ARMC3: variants seen among roughly 807,000 people sequenced by gnomAD.
ARMC3 encodes the protein armadillo repeat containing 3.
In ARMC3, 74 loss-of-function variants were observed where a neutral mutation model predicts 90.3. The ratio of observed to expected loss-of-function variants is 0.82; its 90% CI spans 0.68 to 0.99. ARMC3 has a LOEUF of 0.99. Ranked by LOEUF, ARMC3 falls within the 50% of genes least tolerant of loss-of-function variation. The pLI is 0.00. For synonymous variants in ARMC3, 334 were observed against 361.8 expected (o/e 0.92, Z 0.87); for missense variants, 958 against 1,042.8 (o/e 0.92, Z 1.12).
intron 16 of ARMC3, among the ~76,000 whole-genome samples, chr10:23,013,474 G>A (rs964939483): frequency 6.6e-6 from 1 of 151,756 alleles, no homozygotes; most frequent in Non-Finnish European, 1.5e-5. Flanking sequence ...TCACTTTATC[G>A]AGGCTTAATT....
rs773330471 is a variant in ARMC3 at position 23,006,890 on chromosome 10, C to T, written c.1738C>T (p.Pro580Ser). The change falls in exon 14 of 19, where the codon CCC becomes TCC. Residue 580 changes from proline (P) to serine (S), a missense_variant. Transcript: ENST00000298032. The part of the protein sequence containing the change: ...DGFYDYGRIN[P>S]GTKLLPLKEL... The stretch of plus-strand genomic sequence containing the variant: ...TCCTTAAATTATCTCACAGATAAAT[C>T]CCGGCACCAAACTGTTGCCTTTGAA... 2.5e-6 allele frequency: 4 copies of T among 1,613,958 alleles called. No individual in the cohort carries two copies. The highest frequency in any genetic ancestry group is 3.4e-6 in the Non-Finnish European group (4 of 1,179,902).
At chr10:22,959,016 C>G (rs186732191) in intron 4 of ARMC3, 54 bp from the exon 5 acceptor site, 63 of 1,420,232 alleles carry the variant, frequency 4.4e-5, no homozygotes, top group Admixed American at 1.5e-4. Flanking sequence ...AGCCACCACA[C>G]CCGGCCTATT....
At chr10:23,022,250 A>G (rs1266907429) in intron 16 of ARMC3, among the ~76,000 whole-genome samples, 1 of 152,210 alleles carries the variant, frequency 6.6e-6, no homozygotes, top group Non-Finnish European at 1.5e-5. Flanking sequence ...TTTACTTTGC[A>G]TATGAATGCC....
chr10:23,009,007 T>G (rs748026367), intron 16 of ARMC3, 76 bp downstream of exon 16: 1 of 1,184,052 alleles, frequency 8.4e-7, no homozygotes, highest in Non-Finnish European at 1.2e-6. Context: ...GTAGGAAGCT[T>G]TCTTCTGACA....
intron 16 of ARMC3, among the ~76,000 whole-genome samples, chr10:23,024,633 A>G (rs1838644279): frequency 6.6e-6 from 1 of 152,214 alleles, no homozygotes; most frequent in Non-Finnish European, 1.5e-5. Flanking sequence ...GTGATAAGCC[A>G]TATTTGTACA....
chr10:23,021,712 G>A lies in ARMC3; in HGVS notation c.2046-8884G>A, dbSNP rs1838521785. ...ATTGTTTAAGTTCTGTATATATTCT[G>A]GATATTTGTAGACCTTTGTTGGATA... On this transcript the variant is annotated intron_variant, in intron 16 of 18. Coordinates refer to ENST00000298032, the MANE Select transcript of ARMC3 (RefSeq NM_173081.5). 2.0e-5 allele frequency among the ~76,000 whole-genome samples: 3 copies of A among 152,154 alleles called. No homozygotes were observed. The South Asian group carries it at 6.2e-4, about 32-fold the overall frequency.
At chr10:22,935,991 T>C (rs1834094388) in intron 2 of ARMC3, among the ~76,000 whole-genome samples, 2 of 152,184 alleles carry the variant, frequency 1.3e-5, no homozygotes, top group African/African-American at 2.4e-5. Context: ...GAAATAGAAA[T>C]TGTGAAAGCT....
chr10:23,037,606 C>T lies in ARMC3; in HGVS notation c.*127C>T. 1.1e-6 allele frequency: 1 copy of T among 914,730 alleles called. No homozygotes were observed. The allele number at this position is 914,730 out of a possible 1,614,324, so 56.7% of individuals were successfully genotyped here. A position where few individuals can be genotyped will look rare whatever the true frequency, so the allele number is the denominator to read the frequency against. Reference sequence around the variant, plus strand: ...AATAAAAGTATTAGAAATGTTTTCTCTGCGTAGAAATTAGGAAGCTTGGAG... The same window carrying T: ...AATAAAAGTATTAGAAATGTTTTCTTTGCGTAGAAATTAGGAAGCTTGGAG... On this transcript the variant is annotated 3_prime_UTR_variant, in exon 19 of 19. Transcript: ENST00000298032.
chr10:22,959,171 T>C, intron 5 of ARMC3, 33 bp downstream of exon 5: 1 of 1,560,252 alleles, frequency 6.4e-7, no homozygotes. Context: ...TTTTAAAAAA[T>C]GGAACTGGTT....
At chr10:23,034,978 G>A (rs1839069671) in intron 18 of ARMC3, among the ~76,000 whole-genome samples, 1 of 152,160 alleles carries the variant, frequency 6.6e-6, no homozygotes, top group Non-Finnish European at 1.5e-5. Context: ...CATAGGCACT[G>A]TATTTGTCAA....
intron 10 of ARMC3, among the ~76,000 whole-genome samples, chr10:22,984,799 C>G (rs1046385816): frequency 7.9e-5 from 12 of 151,778 alleles, no homozygotes; most frequent in African/African-American, 2.9e-4. Flanking sequence ...TAAAAATTTA[C>G]TTTTTTAATC....
At chr10:22,941,856 G>A (rs937031818) in intron 2 of ARMC3, among the ~76,000 whole-genome samples, 6 of 152,192 alleles carry the variant, frequency 3.9e-5, no homozygotes, top group African/African-American at 1.4e-4. Context: ...GAAAAATCAA[G>A]TTTACAAAAG....
intron 16 of ARMC3, among the ~76,000 whole-genome samples, chr10:23,023,358 C>T (rs1263607446): frequency 1.3e-5 from 2 of 152,190 alleles, no homozygotes; most frequent in Non-Finnish European, 2.9e-5. Context: ...CTCTGCAGAA[C>T]TCCAGGGAGA....
chr10:22,962,072 A>G lies in ARMC3; in HGVS notation c.726A>G (p.Glu242=), dbSNP rs751461064. The G allele has an allele frequency of 2.6e-6, 4 of 1,556,586 alleles. No individual in the cohort carries two copies. Among genetic ancestry groups the G allele is most frequent in the Non-Finnish European group, 3.5e-6 (4 of 1,152,682 alleles). Residue 242 remains glutamate (E), a synonymous_variant, in exon 7 of 19, where the codon GAA becomes GAG. Transcript: ENST00000298032. ...TGGACCATCTTATTAAGATCCTAGAAACTAAGGTATTTAGTTTCATTCATT... is the reference window on the plus strand; with the variant it reads ...TGGACCATCTTATTAAGATCCTAGAGACTAAGGTATTTAGTTTCATTCATT... The part of the protein sequence containing the change: ...QGLDHLIKIL[E]TKELNDLHIE...
In ARMC3 at chr10:22,946,137, CT is replaced by C; in HGVS notation, c.49-4del. 1 of 1,575,184 alleles carries C rather than the reference CT, an allele frequency of 6.3e-7. No homozygotes were observed. The highest frequency in any genetic ancestry group is 8.7e-7 in the Non-Finnish European group (1 of 1,152,760). ...GTGAAACTGATAGTTTTCTTTCTGCCTTTCAGTTTGACCCATTAATGATTGA... is the reference window on the plus strand; with the variant it reads ...GTGAAACTGATAGTTTTCTTTCTGCCTTCAGTTTGACCCATTAATGATTGA... On this transcript the variant is annotated splice_polypyrimidine_tract_variant and splice_region_variant and intron_variant, in intron 2 of 18. Transcript: ENST00000298032.
chr10:22,945,515 A>G (rs940618434), intron 2 of ARMC3, among the ~76,000 whole-genome samples: 3 of 152,006 alleles, frequency 2.0e-5, no homozygotes, highest in African/African-American at 7.2e-5. Flanking sequence ...CTATATTATC[A>G]TTTCCCCTGT....
intron 10 of ARMC3, among the ~76,000 whole-genome samples, chr10:22,984,987 C>A (rs1015533509): frequency 1.3e-5 from 2 of 151,584 alleles, no homozygotes; most frequent in African/African-American, 4.9e-5. Flanking sequence ...ATCCTCCTGC[C>A]TCAGCCTTTC....
intron 8 of ARMC3, among the ~76,000 whole-genome samples, chr10:22,979,699 A>C (rs1316685061): frequency 6.6e-6 from 1 of 152,184 alleles, no homozygotes; most frequent in Non-Finnish European, 1.5e-5. Context: ...TTCAGTGAAA[A>C]ATAATAAGAA....
chr10:22,950,970 C>G (rs1234204917), intron 3 of ARMC3, among the ~76,000 whole-genome samples: 1 of 146,460 alleles, frequency 6.8e-6, no homozygotes, highest in East Asian at 2.0e-4. Context: ...CAGAGTCTTG[C>G]TCTGTCACCC....
Sources: allele counts gnomAD v4.1 joint callset (sites outside exome capture counted in the v4.1 genomes callset), GRCh38; gene constraint gnomAD v4.1.1; transcripts MANE v1.5; gene names NCBI Gene and HGNC (gene_info 2026-07-23, HGNC 2026-07-21).